Variants in GAREM2 observed in about 807,000 individuals in gnomAD.
GAREM2 encodes the protein GRB2-associated and regulator of MAPK protein 2.
In GAREM2, 30 loss-of-function variants were observed where a neutral mutation model predicts 55.6. The observed-to-expected ratio is 0.54, with a 90% CI of 0.40 to 0.73. GAREM2 has a LOEUF of 0.73. Among genes scored for constraint, GAREM2 ranks in the 30% least tolerant of loss-of-function variants. GAREM2 has a pLI of 0.00. For missense variants in GAREM2, 1,075 were observed against 1,257.7 expected (o/e 0.85, Z 2.20); for synonymous variants, 550 against 569.1 (o/e 0.97, Z 0.48).
chr2:26,198,495 T>C, the GAREM2 span, among the ~76,000 whole-genome samples: 1 of 151,340 alleles, frequency 6.6e-6, no homozygotes, highest in African/African-American at 2.4e-5. Flanking sequence ...ATTCAGATGG[T>C]TGGATGAGAA....
chr2:26,182,280 A>T, intron 2 of GAREM2: 1 of 1,432,886 alleles, frequency 7.0e-7, no homozygotes. Flanking sequence ...GCAGGTTGGG[A>T]AGGCCTACTC....
Position 26,184,836 on chromosome 2 carries a change from C to T in GAREM2, c.988C>T (p.Leu330=). ...DTPRFALPQG[L]LAGDPRVERL... is the part of the protein sequence containing the mutation. Reference sequence around the variant, plus strand: ...GCCGCGCTTCGCGCTGCCGCAGGGCCTGCTGGCCGGGGACCCGCGCGTCGA... The same window carrying T: ...GCCGCGCTTCGCGCTGCCGCAGGGCTTGCTGGCCGGGGACCCGCGCGTCGA... Residue 330 remains leucine, a synonymous_variant, in exon 4 of 6, where the codon CTG becomes TTG. Coordinates refer to ENST00000401533, the MANE Select transcript of GAREM2 (RefSeq NM_001168241.2). 1 of 1,481,206 alleles carries T rather than the reference C, an allele frequency of 6.8e-7. No homozygotes were observed. The highest frequency in any genetic ancestry group is 8.9e-7 in the Non-Finnish European group (1 of 1,124,498). 91.8% of individuals were successfully genotyped at this position (1,481,206 alleles called of 1,614,324 possible).
At chr2:26,177,315 G>A (rs1354091457) in intron 2 of GAREM2, among the ~76,000 whole-genome samples, 1 of 152,178 alleles carries the variant, frequency 6.6e-6, no homozygotes, top group Non-Finnish European at 1.5e-5. Context: ...CCATCCCAGA[G>A]ACGTCCCCGT....
chr2:26,189,718 GCA>G (rs1284794863), downstream of GAREM2: 2 of 152,174 alleles, frequency 1.3e-5, no homozygotes, highest in Non-Finnish European at 2.9e-5. Context: ...GGACCCATGG[GCA>G]CAGTGTATAT....
intron 5 of GAREM2, 124 bp from the exon 6 acceptor site, chr2:26,187,107 G>A (rs1006108401): frequency 5.9e-5 from 76 of 1,284,632 alleles, no homozygotes; most frequent in Non-Finnish European, 7.4e-5. Flanking sequence ...CTTGGGCTGG[G>A]GCTGGGGTGC....
At position 26,184,667 on chromosome 2, in the gene GAREM2, G is replaced by T. The variant is rs756889040; in HGVS notation, c.819G>T (p.Pro273=). ...TGAACGTGCTGGTGCCCAGCCGGCCGCCGCGCAACCCCTACGACCTGCACC... is the reference window on the plus strand; with the variant it reads ...TGAACGTGCTGGTGCCCAGCCGGCCTCCGCGCAACCCCTACGACCTGCACC... ...LPVNVLVPSR[P]PRNPYDLHPV... is the part of the protein sequence containing the mutation. The change falls in exon 4 of 6, where the codon CCG becomes CCT. Residue 273 remains proline (P), a synonymous_variant. Transcript: ENST00000401533. 1.8e-5 allele frequency: 28 copies of T among 1,543,874 alleles called. No individual in the cohort carries two copies. The African/African-American group carries it at 3.2e-4, about 18-fold the overall frequency.
At position 26,179,665 on chromosome 2, in the gene GAREM2, C is replaced by A. The variant is rs1360219299; in HGVS notation, c.253+3181C>A. Among the ~76,000 whole-genome samples the A allele has an allele frequency of 6.6e-6, 1 of 152,066 alleles. No homozygotes were observed. The highest frequency in any genetic ancestry group is 2.4e-5 in the African/African-American group (1 of 41,388). On this transcript the variant is annotated intron_variant, in intron 2 of 5. Coordinates refer to ENST00000401533, the MANE Select transcript of GAREM2 (RefSeq NM_001168241.2). The surrounding 1 kb of genome is among the most constrained non-coding windows in gnomAD (Gnocchi z 4.7). Reference sequence around the variant, plus strand: ...TACAGGGGGAGGCAGGAGAGGAAGCCGCCCCTGGGCTGGCGGGGAGGAAAA... The same window carrying A: ...TACAGGGGGAGGCAGGAGAGGAAGCAGCCCCTGGGCTGGCGGGGAGGAAAA...
intron 1 of GAREM2, among the ~76,000 whole-genome samples, 159 bp from the exon 2 acceptor site, chr2:26,176,185 G>A (rs2147720167): frequency 6.6e-6 from 1 of 152,342 alleles, no homozygotes; most frequent in African/African-American, 2.4e-5. Flanking sequence ...CCAGCTGGCA[G>A]CCCGCCTGTC....
chr2:26,186,046 C>G, intron 4 of GAREM2, 143 bp from the exon 5 acceptor site: 1 of 744,604 alleles, frequency 1.3e-6, no homozygotes, highest in East Asian at 2.9e-5. Context: ...ACTGGATGAG[C>G]AGTTGGGGTG....
chr2:26,184,271 C>T lies in GAREM2; in HGVS notation c.423C>T (p.Tyr141=). Residue 141 remains tyrosine, a synonymous_variant, in exon 4 of 6, where the codon TAC becomes TAT. Transcript: ENST00000401533. ...AGTTCAGCGAGGACAGCGAGGTGTA[C>T]AACTTCACGCTGCATGCGGGCGACG... ...SGEFSEDSEV[Y]NFTLHAGDEL... 6.4e-7 allele frequency: 1 copy of T among 1,551,034 alleles called. No homozygotes were observed. The highest frequency in any genetic ancestry group is 8.7e-7 in the Non-Finnish European group (1 of 1,146,762).
At chr2:26,191,277 G>GTT, downstream of GAREM2, 1 of 1,612,982 alleles carries the variant, frequency 6.2e-7, no homozygotes, top group Non-Finnish European at 8.5e-7. Context: ...TGTTAGGGCT[G>GTT]TTAGCATGGT....
At chr2:26,203,921 T>C in the GAREM2 span, 1 of 851,982 alleles carries the variant, frequency 1.2e-6, no homozygotes, top group Non-Finnish European at 2.0e-6. Flanking sequence ...ACGGAGTATC[T>C]AGAACTCATT....
At chr2:26,176,212 C>A in intron 1 of GAREM2, 132 bp from the exon 2 acceptor site, 1 of 851,834 alleles carries the variant, frequency 1.2e-6, no homozygotes, top group Non-Finnish European at 1.7e-6. Context: ...GCTTTGCTGA[C>A]CTGGACAGGG....
At position 26,182,868 on chromosome 2, in the gene GAREM2, C is replaced by T. The variant is rs1176281995; in HGVS notation, c.254-99C>T. ...CCTCCTGAGTTCCTGAGGGGCTGGC[C>T]GAGATTATGGTAGCAAGTGACCATG... On this transcript the variant is annotated intron_variant, in intron 2 of 5. Transcript: ENST00000401533. 1.9e-5 allele frequency: 28 copies of T among 1,436,964 alleles called. 1 individual carries two copies. Among genetic ancestry groups the T allele is most frequent in the South Asian group, 1.3e-4 (10 of 74,758 alleles). The allele number at this position is 1,436,964 out of a possible 1,614,324, so 89.0% of individuals were successfully genotyped here. A position where few individuals can be genotyped will look rare whatever the true frequency, so the allele number is the denominator to read the frequency against.
chr2:26,204,094 C>G, the GAREM2 span: 1 of 1,613,880 alleles, frequency 6.2e-7, no homozygotes, highest in East Asian at 2.2e-5. Context: ...CTCGGTCTAG[C>G]GCAGTGAGGG....
At chr2:26,185,338 G>A in intron 4 of GAREM2, 62 bp downstream of exon 4, 1 of 1,431,518 alleles carries the variant, frequency 7.0e-7, no homozygotes, top group Non-Finnish European at 9.1e-7. Flanking sequence ...CCGTTCTCCT[G>A]GGCCCCGGCC....
intron 1 of GAREM2, among the ~76,000 whole-genome samples, chr2:26,174,447 T>C (rs1344224915): frequency 6.6e-6 from 1 of 152,220 alleles, no homozygotes; most frequent in East Asian, 1.9e-4. Flanking sequence ...GGGCAGCTTT[T>C]CTGAGCTCCT....
chr2:26,194,422 G>C, downstream of GAREM2: 1 of 711,976 alleles, frequency 1.4e-6, no homozygotes, highest in Non-Finnish European at 2.6e-6. Flanking sequence ...TCCGACTGCT[G>C]TGCAGAGAGA....
At chr2:26,180,826 C>T (rs1201307440) in intron 2 of GAREM2, 2 of 706,180 alleles carry the variant, frequency 2.8e-6, no homozygotes, top group Non-Finnish European at 3.5e-6. Flanking sequence ...CCATGTTGGC[C>T]AGGCTGGTCT....
Sources: gnomAD v4.1 joint callset for allele counts (sites outside exome capture counted in the v4.1 genomes callset) on GRCh38, gnomAD v4.1.1 for gene constraint, Gnocchi (gnomAD v3.1) non-coding constraint, MANE v1.5 for transcripts, NCBI Gene and HGNC (gene_info 2026-07-23, HGNC 2026-07-21) for gene names.